Variants in NTM observed in about 807,000 individuals in gnomAD.
NTM encodes IgLON family member 2.
A neutral mutation model predicts 42.1 loss-of-function variants in NTM; 13 were observed. That is an observed-to-expected ratio of 0.31 (90% CI 0.20 to 0.49). NTM has a LOEUF of 0.49. NTM is among the 20% of genes least tolerant of loss of function. The probability of loss-of-function intolerance (pLI) is 0.99; values close to 1 mark genes in which losing one functional copy is unlikely to be tolerated. For synonymous variants in NTM, 187 were observed against 179.2 expected (o/e 1.04, Z -0.35); for missense variants, 373 against 452.8 (o/e 0.82, Z 1.60).
chr11:132,329,306 C>G (rs922570096), intron 7 of NTM, among the ~76,000 whole-genome samples: 1 of 152,192 alleles, frequency 6.6e-6, no homozygotes, highest in Non-Finnish European at 1.5e-5. Flanking sequence ...AGAGATCATT[C>G]CAAATTCAGG....
At chr11:131,669,591 A>G (rs2069743622) in intron 1 of NTM, among the ~76,000 whole-genome samples, 1 of 152,074 alleles carries the variant, frequency 6.6e-6, no homozygotes, top group African/African-American at 2.4e-5. Flanking sequence ...GGGCAACGTC[A>G]CTCAGCAATT....
intron 1 of NTM, chr11:131,537,198 A>C (rs1240014683): frequency 6.6e-6 from 1 of 151,994 alleles, no homozygotes; most frequent in African/African-American, 2.4e-5. Context: ...AAAAAAAAAA[A>C]AAACAATTGA....
chr11:131,942,838 C>T (rs141674491), intron 2 of NTM, among the ~76,000 whole-genome samples: 9 of 151,628 alleles, frequency 5.9e-5, no homozygotes, highest in South Asian at 2.1e-4. Flanking sequence ...CCCAGCTACT[C>T]GGGAGGCTGA....
chr11:132,324,662 GA>G (rs768621981), intron 7 of NTM, among the ~76,000 whole-genome samples: 1 of 2,722 alleles, frequency 3.7e-4, no homozygotes, highest in Non-Finnish European at 8.1e-4. Context: ...CACAGAATTG[GA>G]AAAAAAACTA....
At chr11:131,422,660 T>C (rs1047654562) in intron 1 of NTM, among the ~76,000 whole-genome samples, 15 of 152,196 alleles carry the variant, frequency 9.9e-5, no homozygotes, top group Non-Finnish European at 1.9e-4. Flanking sequence ...CAGGAAATTG[T>C]ATGAGAGCAC....
At chr11:132,144,616 A>T (rs4937675) in intron 2 of NTM, among the ~76,000 whole-genome samples, 1,997 of 152,332 alleles carry the variant, frequency 0.013, 15 homozygotes, top group Non-Finnish European at 0.021. Flanking sequence ...AAATATTCTG[A>T]ATCAGTAGAC....
At chr11:131,598,287 A>G (rs2059986425) in intron 1 of NTM, among the ~76,000 whole-genome samples, 1 of 152,196 alleles carries the variant, frequency 6.6e-6, no homozygotes, top group African/African-American at 2.4e-5. Flanking sequence ...GAACTGTTTT[A>G]TCTTCTAGTT....
chr11:131,479,147 A>G lies in NTM; in HGVS notation c.82+108259A>G, dbSNP rs556798706. On this transcript the variant is annotated intron_variant, in intron 1 of 8. Coordinates refer to ENST00000683400, the MANE Select transcript of NTM (RefSeq NM_001352005.2). ...ACTAAACTTGTTTTGAGTACCTGCTATATGCCTTTTGTATAGAGATAAATT... is the reference window on the plus strand; with the variant it reads ...ACTAAACTTGTTTTGAGTACCTGCTGTATGCCTTTTGTATAGAGATAAATT... 7.0e-4 allele frequency among the ~76,000 whole-genome samples: 106 copies of G among 152,372 alleles called. 1 individual carries two copies. The highest frequency in any genetic ancestry group is 2.5e-3 in the African/African-American group (103 of 41,588).
At chr11:132,331,376 A>C (rs1015219755) in intron 8 of NTM, among the ~76,000 whole-genome samples, 2 of 152,230 alleles carry the variant, frequency 1.3e-5, no homozygotes, top group African/African-American at 4.8e-5. Flanking sequence ...CAGCCACAGG[A>C]ATTCTCAGTA....
chr11:132,207,390 A>T (rs2082149698), intron 3 of NTM, among the ~76,000 whole-genome samples: 1 of 151,956 alleles, frequency 6.6e-6, no homozygotes, highest in East Asian at 1.9e-4. Flanking sequence ...ACTATCTCCC[A>T]TCACCCCCAG....
intron 1 of NTM, among the ~76,000 whole-genome samples, chr11:131,597,658 C>T (rs375766677): frequency 1.3e-5 from 2 of 152,208 alleles, no homozygotes; most frequent in Admixed American, 6.5e-5. Flanking sequence ...TGCTCAGTGT[C>T]TCCACAGAAA....
At chr11:131,863,019 C>T (rs1024734348) in intron 1 of NTM, among the ~76,000 whole-genome samples, 6 of 152,196 alleles carry the variant, frequency 3.9e-5, no homozygotes, top group African/African-American at 1.4e-4. Flanking sequence ...AAGAACAAGA[C>T]ATTCTTCAGC....
intron 2 of NTM, among the ~76,000 whole-genome samples, chr11:132,022,456 T>C (rs2074492164): frequency 6.6e-6 from 1 of 152,226 alleles, no homozygotes; most frequent in Non-Finnish European, 1.5e-5. Flanking sequence ...ATATTCGTTA[T>C]CACAGCTCTC....
chr11:131,985,196 A>G (rs527400480), intron 2 of NTM, among the ~76,000 whole-genome samples: 104 of 152,312 alleles, frequency 6.8e-4, no homozygotes, highest in African/African-American at 2.4e-3. Context: ...CATTTCTTCT[A>G]GAGCCGCAGG....
At chr11:132,256,201 C>T (rs1184164928) in intron 4 of NTM, among the ~76,000 whole-genome samples, 2 of 152,128 alleles carry the variant, frequency 1.3e-5, no homozygotes, top group Non-Finnish European at 2.9e-5. Context: ...TCTTGCTTTC[C>T]AACATCCTTT....
At chr11:131,546,143 A>G (rs115744309) in intron 1 of NTM, among the ~76,000 whole-genome samples, 1,686 of 152,276 alleles carry the variant, frequency 0.011, 39 homozygotes, top group African/African-American at 0.039. Flanking sequence ...TAGCAAGCAG[A>G]GAGATAGGAA....
chr11:131,876,133 C>T (rs373405003), intron 1 of NTM, among the ~76,000 whole-genome samples: 2 of 152,180 alleles, frequency 1.3e-5, no homozygotes, highest in South Asian at 4.2e-4. Flanking sequence ...CTCTCCAAAG[C>T]GATTTATCTG....
chr11:131,429,176 T>C (rs1441434686), intron 1 of NTM, among the ~76,000 whole-genome samples: 3 of 152,042 alleles, frequency 2.0e-5, no homozygotes, highest in Non-Finnish European at 4.4e-5. Flanking sequence ...TTTTAAGGGA[T>C]TGAGGGATGG....
intron 5 of NTM, among the ~76,000 whole-genome samples, chr11:132,309,044 T>G (rs879716376): frequency 1.3e-5 from 2 of 152,178 alleles, no homozygotes; most frequent in Non-Finnish European, 2.9e-5. Flanking sequence ...AAAAGCAAAT[T>G]AGTTGCTTGG....
Sources: gnomAD v4.1 joint callset for allele counts (sites outside exome capture counted in the v4.1 genomes callset) on GRCh38, gnomAD v4.1.1 for gene constraint, MANE v1.5 for transcripts, NCBI Gene and HGNC (gene_info 2026-07-23, HGNC 2026-07-21) for gene names.